RNGTT: variants seen among roughly 807,000 people sequenced by gnomAD.
The protein encoded by RNGTT is mRNA-capping enzyme.
A neutral mutation model predicts 79.3 loss-of-function variants in RNGTT; 33 were observed. That is an observed-to-expected ratio of 0.42 (90% CI 0.32 to 0.56). The LOEUF is 0.56. RNGTT is among the 20% of genes least tolerant of loss of function. The pLI is 0.17. For missense variants in RNGTT, 497 were observed against 739.1 expected, an observed-to-expected ratio of 0.67 and a Z score of 3.80; for synonymous variants, 222 against 235.9, an observed-to-expected ratio of 0.94 and a Z score of 0.54.
At chr6:88,725,356 T>G (rs1054137487) in intron 13 of RNGTT, among the ~76,000 whole-genome samples, 1 of 152,052 alleles carries the variant, frequency 6.6e-6, no homozygotes, top group Non-Finnish European at 1.5e-5. Flanking sequence ...AGGAAGGATG[T>G]TGCAGATGGT....
At chr6:88,708,553 G>C (rs1010123937) in intron 13 of RNGTT, among the ~76,000 whole-genome samples, 1 of 151,992 alleles carries the variant, frequency 6.6e-6, no homozygotes, top group Non-Finnish European at 1.5e-5. Context: ...TCCAGCCTTT[G>C]GTCTTTAGGG....
At position 88,891,930 on chromosome 6, in the gene RNGTT, T is replaced by G. The variant is rs771566162; in HGVS notation, c.685-15A>C. 2 of 1,440,406 alleles carry G rather than the reference T, an allele frequency of 1.4e-6. No individual in the cohort carries two copies. 89.2% of individuals were successfully genotyped at this position (1,440,406 alleles called of 1,614,324 possible). ...AAAATAGCGCCCTTTAAAAAAAAAATAAGAAAAATAAGGGAAAGAAAAATA... is the reference window on the plus strand; with the variant it reads ...AAAATAGCGCCCTTTAAAAAAAAAAGAAGAAAAATAAGGGAAAGAAAAATA... On this transcript the variant is annotated splice_polypyrimidine_tract_variant and intron_variant, in intron 6 of 15. Coordinates refer to ENST00000369485, the MANE Select transcript of RNGTT (RefSeq NM_003800.5).
At chr6:88,837,681 A>C (rs76676507) in intron 11 of RNGTT, among the ~76,000 whole-genome samples, 3,118 of 152,228 alleles carry the variant, frequency 0.02, 116 homozygotes, top group African/African-American at 0.069. Flanking sequence ...TTTTCATATA[A>C]TTCCTGAGAT....
At position 88,611,318 on chromosome 6, in the gene RNGTT, T is replaced by C. The variant is rs1392191276; in HGVS notation, c.*1401A>G. The C allele has an allele frequency of 6.5e-6, 1 of 152,676 alleles. No individual in the cohort carries two copies. The highest frequency in any genetic ancestry group is 1.5e-5 in the Non-Finnish European group (1 of 68,038). 9.5% of individuals were successfully genotyped at this position (152,676 alleles called of 1,614,324 possible). ...GGGTAATTCAGTTGGATTTCGTGTC[T>C]GACTGAATCAGTAGAAGAATATACA... On this transcript the variant is annotated 3_prime_UTR_variant, in exon 16 of 16. Transcript: ENST00000369485.
intron 12 of RNGTT, among the ~76,000 whole-genome samples, chr6:88,772,865 G>C (rs1778737176): frequency 1.3e-5 from 2 of 152,092 alleles, no homozygotes; most frequent in Non-Finnish European, 2.9e-5. Flanking sequence ...CTTTTACACT[G>C]TTGGTGGGAC....
intron 11 of RNGTT, among the ~76,000 whole-genome samples, chr6:88,814,117 A>G (rs1409849942): frequency 1.3e-5 from 2 of 152,208 alleles, no homozygotes; most frequent in Non-Finnish European, 2.9e-5. Flanking sequence ...AAAAACTGTT[A>G]GAGAAGTTTA....
chr6:88,809,452 T>C (rs1780064641), intron 11 of RNGTT, among the ~76,000 whole-genome samples: 2 of 152,148 alleles, frequency 1.3e-5, no homozygotes, highest in Non-Finnish European at 2.9e-5. Flanking sequence ...AATTGACATT[T>C]ATAAAAATAC....
intron 14 of RNGTT, among the ~76,000 whole-genome samples, chr6:88,657,352 G>C (rs2756386): frequency 0.15 from 22,670 of 152,156 alleles, 5,608 homozygotes; most frequent in African/African-American, 0.51. Context: ...GAAGCAGCAG[G>C]AAGAGCCCTG....
rs1470500911 is a variant in RNGTT at position 88,714,646 on chromosome 6, T to G, written c.1440-36227A>C. Reference sequence around the variant, plus strand: ...TTTAGTAGAGACGGGGTTTCACCGTTTTAGCCGGGATGGTCTCGATCTCCT... The same window carrying G: ...TTTAGTAGAGACGGGGTTTCACCGTGTTAGCCGGGATGGTCTCGATCTCCT... On this transcript the variant is annotated intron_variant, in intron 13 of 15. Transcript: ENST00000369485. Among the ~76,000 whole-genome samples, 50 of 93,478 alleles carry G rather than the reference T, an allele frequency of 5.3e-4. 8 individuals carry two copies. Among genetic ancestry groups the G allele is most frequent in the Admixed American group, 3.1e-3 (35 of 11,160 alleles). The allele number at this position is 93,478 out of a possible 152,430, so 61.3% of individuals were successfully genotyped here.
chr6:88,920,359 TGTG>T (rs1784127812), intron 4 of RNGTT, among the ~76,000 whole-genome samples: 1 of 152,222 alleles, frequency 6.6e-6, no homozygotes, highest in African/African-American at 2.4e-5. Flanking sequence ...GTAAGTGCTA[TGTG>T]AACAGTTACT....
chr6:88,678,448 A>C, intron 13 of RNGTT, 29 bp from the exon 14 acceptor site: 1 of 1,348,954 alleles, frequency 7.4e-7, no homozygotes, highest in East Asian at 2.5e-5. Flanking sequence ...ATTATTTATA[A>C]AATACTCCTT....
At position 88,867,163 on chromosome 6, in the gene RNGTT, C is replaced by G. The variant is rs574759440; in HGVS notation, c.897-13399G>C. Reference sequence around the variant, plus strand: ...CTAGACTAAATAACCTCAAGCCACCCTTAACACTCAAATTGCAAAAGAAAA... The same window carrying G: ...CTAGACTAAATAACCTCAAGCCACCGTTAACACTCAAATTGCAAAAGAAAA... On this transcript the variant is annotated intron_variant, in intron 8 of 15. Transcript: ENST00000369485. 7.9e-5 allele frequency among the ~76,000 whole-genome samples: 12 copies of G among 152,200 alleles called. No individual in the cohort carries two copies. In the East Asian group the frequency reaches 2.3e-3, roughly 29 times the overall value.
intron 14 of RNGTT, among the ~76,000 whole-genome samples, chr6:88,660,292 T>G (rs1268672678): frequency 6.6e-6 from 1 of 152,112 alleles, no homozygotes; most frequent in African/African-American, 2.4e-5. Flanking sequence ...AATAGAACAG[T>G]ACCTCACATC....
At chr6:88,905,443 T>C (rs1001734782) in intron 5 of RNGTT, among the ~76,000 whole-genome samples, 1 of 152,316 alleles carries the variant, frequency 6.6e-6, no homozygotes, top group Non-Finnish European at 1.5e-5. Context: ...AGCTAGAAAG[T>C]ACATGCAGTA....
intron 13 of RNGTT, among the ~76,000 whole-genome samples, chr6:88,720,973 C>G (rs946771389): frequency 2.0e-5 from 3 of 152,010 alleles, no homozygotes; most frequent in Non-Finnish European, 4.4e-5. Context: ...AAAATTACTT[C>G]TCTACTTCTT....
chr6:88,863,040 G>T (rs1242956539), intron 8 of RNGTT, among the ~76,000 whole-genome samples: 1 of 152,096 alleles, frequency 6.6e-6, no homozygotes, highest in East Asian at 1.9e-4. Flanking sequence ...TGGCTTTATG[G>T]TCTTAAATTC....
chr6:88,733,105 T>A (rs1389148181), intron 13 of RNGTT, among the ~76,000 whole-genome samples: 1 of 152,146 alleles, frequency 6.6e-6, no homozygotes, highest in African/African-American at 2.4e-5. Context: ...ACACCTGTAA[T>A]CCCAGCACTT....
intron 12 of RNGTT, among the ~76,000 whole-genome samples, chr6:88,797,941 C>CAAAAAAAAA (rs143559265): frequency 1.5e-5 from 1 of 65,816 alleles, no homozygotes. Flanking sequence ...AAGCAAAAGC[C>CAAAAAAAAA]AAAAAAAAAA....
chr6:88,676,036 T>G (rs1231218454), intron 14 of RNGTT, among the ~76,000 whole-genome samples: 1 of 152,166 alleles, frequency 6.6e-6, no homozygotes, highest in Non-Finnish European at 1.5e-5. Context: ...AACAGGCATT[T>G]TTATAGAAAC....
Sources: gnomAD v4.1 joint callset for allele counts (sites outside exome capture counted in the v4.1 genomes callset) on GRCh38, gnomAD v4.1.1 for gene constraint, MANE v1.5 for transcripts, NCBI Gene and HGNC (gene_info 2026-07-23, HGNC 2026-07-21) for gene names.